The following TC2N variants were observed in gnomAD, a reference collection of about 807,000 sequenced individuals.
The protein encoded by TC2N is tandem C2 domains, nuclear, also known as tandem C2 domains nuclear protein.
TC2N carries 51 observed loss-of-function variants against 61.9 expected under a neutral mutation model. The observed-to-expected ratio is 0.82, with a 90% CI of 0.66 to 1.04. TC2N has a LOEUF of 1.04. Ranked by LOEUF, TC2N falls within the 50% of genes least tolerant of loss-of-function variation. The pLI is 0.00. For missense variants in TC2N, 556 were observed against 566.7 expected (o/e 0.98, Z 0.19); for synonymous variants, 204 against 192.6 (o/e 1.06, Z -0.49).
intron 3 of TC2N, among the ~76,000 whole-genome samples, chr14:91,808,978 T>A (rs575322208): frequency 2.7e-4 from 41 of 151,796 alleles, no homozygotes; most frequent in African/African-American, 8.5e-4. Context: ...TTAATAAGTA[T>A]GAAAAAAAAA....
At chr14:91,798,570 T>C (rs1383932019) in intron 6 of TC2N, among the ~76,000 whole-genome samples, 171 bp from the exon 7 acceptor site, 2 of 152,000 alleles carry the variant, frequency 1.3e-5, no homozygotes, top group Non-Finnish European at 2.9e-5. Flanking sequence ...ATTGAAGCAC[T>C]AGAGGGAAGA....
intron 1 of TC2N, among the ~76,000 whole-genome samples, chr14:91,819,231 G>A (rs1425886840): frequency 6.6e-6 from 1 of 152,164 alleles, no homozygotes; most frequent in Non-Finnish European, 1.5e-5. Context: ...TCGGGAGGCT[G>A]AGGCATAAGA....
rs370720040 is a variant in TC2N at position 91,785,240 on chromosome 14, T to G, written c.1284A>C (p.Ile428=). The G allele has an allele frequency of 3.1e-6, 5 of 1,612,894 alleles. No individual in the cohort carries two copies. The highest frequency in any genetic ancestry group is 4.2e-6 in the Non-Finnish European group (5 of 1,179,074). The change falls in exon 11 of 12, where the codon ATA becomes ATC. Residue 428 remains isoleucine (I), a synonymous_variant. Transcript: ENST00000435962. The part of the protein sequence containing the change: ...KWGETMIFPL[I]QSEKEIVFLI... The stretch of plus-strand genomic sequence containing the variant: ...GAAAAACAATTTCTTTTTCACTCTG[T>G]ATAAGTGGAAAAATCATAGTCTCTC...
rs958781107 is a variant in TC2N at position 91,781,413 on chromosome 14, A to C, written c.*1687T>G. On this transcript the variant is annotated 3_prime_UTR_variant, in exon 12 of 12. Coordinates refer to ENST00000435962, the MANE Select transcript of TC2N (RefSeq NM_001128596.3). ...ACTTTGGATGATAATGATGTTTCAG[A>C]GTAGGTTCATTGATTGTAACAAATG... 6.6e-6 allele frequency: 1 copy of C among 152,150 alleles called. No individual in the cohort carries two copies. Among genetic ancestry groups the C allele is most frequent in the Non-Finnish European group, 1.5e-5 (1 of 67,976 alleles). The allele number at this position is 152,150 out of a possible 1,614,324, so 9.4% of individuals were successfully genotyped here. A position where few individuals can be genotyped will look rare whatever the true frequency, so the allele number is the denominator to read the frequency against.
intron 1 of TC2N, among the ~76,000 whole-genome samples, chr14:91,856,800 C>T (rs1888492768): frequency 1.3e-5 from 2 of 152,294 alleles, no homozygotes; most frequent in African/African-American, 4.8e-5. Context: ...TGGCCATATA[C>T]CCTGGCCTCT....
At chr14:91,803,114 T>C (rs779047575) in intron 3 of TC2N, among the ~76,000 whole-genome samples, 8 of 152,154 alleles carry the variant, frequency 5.3e-5, no homozygotes, top group Middle Eastern at 3.4e-3. Context: ...ATAATTAAGG[T>C]GGCACTGCAC....
rs374793034 is a variant in TC2N at position 91,779,885 on chromosome 14, T to C, written c.*3215A>G. 10 of 152,292 alleles carry C rather than the reference T, an allele frequency of 6.6e-5. No homozygotes were observed. The East Asian group carries it at 1.9e-3, about 29-fold the overall frequency. The allele number at this position is 152,292 out of a possible 1,614,324, so 9.4% of individuals were successfully genotyped here. A position where few individuals can be genotyped will look rare whatever the true frequency, so the allele number is the denominator to read the frequency against. ...TTACTAAAACTGTAGGCCACATTCATCTTCCTACAATTCTTCACCCACAAA... is the reference window on the plus strand; with the variant it reads ...TTACTAAAACTGTAGGCCACATTCACCTTCCTACAATTCTTCACCCACAAA... On this transcript the variant is annotated 3_prime_UTR_variant, in exon 12 of 12. Transcript: ENST00000435962.
At chr14:91,862,388 C>G (rs541615653) in intron 1 of TC2N, among the ~76,000 whole-genome samples, 4 of 151,038 alleles carry the variant, frequency 2.6e-5, no homozygotes, top group African/African-American at 9.7e-5. Flanking sequence ...AGCATGGATT[C>G]AGAGTTTGAG....
Position 91,785,350 on chromosome 14 carries a change from T to C in TC2N, c.1174A>G (p.Lys392Glu). Residue 392 changes from lysine (K) to glutamate (E), a missense_variant, in exon 11 of 12, where the codon AAG becomes GAG. Physicochemically the swap from Lys to Glu is moderately conservative, Grantham distance 56 (BLOSUM62 1). Transcript: ENST00000435962. ...STPLTLSFFV[K>E]VGMFSSGELI... Reference sequence around the variant, plus strand: ...TCTCCCGAGCTAAACATTCCCACCTTCACGAAAAAACCTAAAAAATTAGAA... The same window carrying C: ...TCTCCCGAGCTAAACATTCCCACCTCCACGAAAAAACCTAAAAAATTAGAA... 1 of 1,611,148 alleles carries C rather than the reference T, an allele frequency of 6.2e-7. No homozygotes were observed. Among genetic ancestry groups the C allele is most frequent in the South Asian group, 1.1e-5 (1 of 90,244 alleles).
chr14:91,826,698 C>T (rs1457705994), intron 1 of TC2N, among the ~76,000 whole-genome samples: 1 of 152,028 alleles, frequency 6.6e-6, no homozygotes, highest in African/African-American at 2.4e-5. Context: ...AGATTGTGTT[C>T]TACTATCCAC....
Position 91,797,816 on chromosome 14 carries a change from T to C in TC2N, c.824A>G (p.His275Arg), listed in dbSNP as rs1885976536. 2 of 1,607,660 alleles carry C rather than the reference T, an allele frequency of 1.2e-6. No individual in the cohort carries two copies. The highest frequency in any genetic ancestry group is 2.7e-5 in the African/African-American group (2 of 74,310). ...KGILTLPKPV[H>R]FKSSAKEGSN... ...ACCTTCCTTGGCTGAAGATTTGAAA[T>C]GCACTGGTTTGGGCAATGTAAGTAT... is the stretch of plus-strand genomic sequence containing the variant. Residue 275 changes from histidine to arginine, a missense_variant, in exon 8 of 12, where the codon CAT becomes CGT. By Grantham distance (29) the His-to-Arg change is conservative. Coordinates refer to ENST00000435962, the MANE Select transcript of TC2N (RefSeq NM_001128596.3).
rs555106410 is a variant in TC2N at position 91,807,855 on chromosome 14, C to A, written c.301+4457G>T. Among the ~76,000 whole-genome samples the A allele has an allele frequency of 2.6e-3, 394 of 152,158 alleles. 2 individuals are homozygous for A. Among genetic ancestry groups the A allele is most frequent in the Non-Finnish European group, 4.5e-3 (304 of 67,994 alleles). On this transcript the variant is annotated intron_variant, in intron 3 of 11. Transcript: ENST00000435962. ...TGGTATGGTTTGGCTGTGTCCCCACCCAAATCTCATCTTGAATTGTAGCTC... is the reference window on the plus strand; with the variant it reads ...TGGTATGGTTTGGCTGTGTCCCCACACAAATCTCATCTTGAATTGTAGCTC...
chr14:91,841,665 C>A (rs527304132), intron 1 of TC2N, among the ~76,000 whole-genome samples: 1 of 152,164 alleles, frequency 6.6e-6, no homozygotes, highest in Non-Finnish European at 1.5e-5. Flanking sequence ...TTCCACAGCC[C>A]CCCTCCTGGG....
At chr14:91,861,172 T>C (rs1325605226) in intron 1 of TC2N, among the ~76,000 whole-genome samples, 1 of 152,150 alleles carries the variant, frequency 6.6e-6, no homozygotes, top group Non-Finnish European at 1.5e-5. Context: ...AAATTGATTC[T>C]AGGATGGAGA....
intron 5 of TC2N, 69 bp from the exon 6 acceptor site, chr14:91,799,133 C>T: frequency 2.2e-6 from 2 of 929,994 alleles, no homozygotes; most frequent in South Asian, 3.1e-5. Flanking sequence ...ACATATGCCT[C>T]AATATCCATC....
chr14:91,831,283 G>A (rs1200755394), intron 1 of TC2N, among the ~76,000 whole-genome samples: 1 of 152,126 alleles, frequency 6.6e-6, no homozygotes, highest in African/African-American at 2.4e-5. Flanking sequence ...TAGTAAGTTA[G>A]GAAAGGATTT....
chr14:91,811,860 A>G (rs1041477530), intron 3 of TC2N, among the ~76,000 whole-genome samples: 7 of 152,044 alleles, frequency 4.6e-5, no homozygotes, highest in Non-Finnish European at 8.8e-5. Flanking sequence ...ATCCTCCCAT[A>G]TGCTTTAAAT....
chr14:91,788,324 G>A (rs1410590572), intron 9 of TC2N, among the ~76,000 whole-genome samples: 1 of 152,216 alleles, frequency 6.6e-6, no homozygotes, highest in East Asian at 1.9e-4. Flanking sequence ...TTATTTGTCT[G>A]TGAAATACAA....
rs1302190235 is a variant in TC2N, at chr14:91,783,156, T to C, written c.1417A>G (p.Thr473Ala). The change falls in exon 12 of 12, where the codon ACA becomes GCA. Residue 473 changes from threonine to alanine, a missense_variant. Physicochemically the swap from Thr to Ala is moderately conservative, Grantham distance 58. Transcript: ENST00000435962. ...ACAACCTTTTCTGGATTTATTACTG[T>C]CTCTTTCCACTGGTTCACTGCTTCA... ...NIEAVNQWKETVINPEKVVIR... is the reference protein window; with the variant it reads ...NIEAVNQWKEAVINPEKVVIR... The C allele has an allele frequency of 2.5e-6, 4 of 1,612,234 alleles. No homozygotes were observed. In the Admixed American group the frequency reaches 6.7e-5, roughly 27 times the overall value.
Sources: allele counts gnomAD v4.1 joint callset (sites outside exome capture counted in the v4.1 genomes callset), GRCh38; gene constraint gnomAD v4.1.1; transcripts MANE v1.5; gene names NCBI Gene and HGNC (gene_info 2026-07-23, HGNC 2026-07-21).